The following BBIP1 variants were observed in gnomAD, a reference collection of about 807,000 sequenced individuals.
The protein encoded by BBIP1 is BBSome-interacting protein 1.
Under a neutral mutation model 8.9 loss-of-function variants are expected in BBIP1, and 6 were observed. The observed-to-expected ratio is 0.67, with a 90% CI of 0.37 to 1.33. The LOEUF is 1.33. Among genes scored for constraint, BBIP1 ranks in the 40% most tolerant of loss-of-function variants. The pLI is 0.02. For missense variants in BBIP1, 111 were observed against 109.2 expected, an observed-to-expected ratio of 1.02 and a Z score of -0.07; for synonymous variants, 32 against 33.4, an observed-to-expected ratio of 0.96 and a Z score of 0.14.
At chr10:110,906,269 G>A (rs1204262660) in intron 2 of BBIP1, among the ~76,000 whole-genome samples, 1 of 152,204 alleles carries the variant, frequency 6.6e-6, no homozygotes, top group African/African-American at 2.4e-5. Context: ...GCCTCCCAAA[G>A]TGCTGGGATT....
At chr10:110,914,799 C>G (rs1846360605) in intron 2 of BBIP1, among the ~76,000 whole-genome samples, 1 of 152,174 alleles carries the variant, frequency 6.6e-6, no homozygotes, top group South Asian at 2.1e-4. Context: ...TTGGATGATG[C>G]CACTGGCTCT....
intron 2 of BBIP1, chr10:110,907,754 T>C (rs1846181657): frequency 1.4e-6 from 1 of 702,506 alleles, no homozygotes; most frequent in Non-Finnish European, 2.6e-6. Context: ...TAAAGGATGG[T>C]GATTGATACA....
intron 2 of BBIP1, among the ~76,000 whole-genome samples, chr10:110,915,308 T>C (rs1846376596): frequency 1.3e-5 from 2 of 152,106 alleles, no homozygotes; most frequent in South Asian, 4.2e-4. Context: ...AGGAACATGC[T>C]ACCCCACCCA....
intron 2 of BBIP1, among the ~76,000 whole-genome samples, chr10:110,905,556 C>T (rs987536107): frequency 1.3e-5 from 2 of 150,202 alleles, no homozygotes; most frequent in African/African-American, 4.9e-5. Flanking sequence ...ACCGAGACTC[C>T]GTCCTCCCCC....
intron 2 of BBIP1, chr10:110,912,292 T>C (rs1192533738): frequency 6.6e-6 from 1 of 152,152 alleles, no homozygotes; most frequent in Non-Finnish European, 1.5e-5. Context: ...GCATTAAATA[T>C]TATTTAAACA....
intron 2 of BBIP1, chr10:110,912,059 A>G (rs1333040486): frequency 6.6e-6 from 1 of 152,190 alleles, no homozygotes; most frequent in South Asian, 2.1e-4. Context: ...TAAGCGCAGC[A>G]TATTGACTAA....
intron 2 of BBIP1, chr10:110,902,568 C>T (rs1846029825): frequency 6.6e-6 from 1 of 152,238 alleles, no homozygotes; most frequent in Non-Finnish European, 1.5e-5. Context: ...TAATTATAAT[C>T]AAGTGAAGCT....
At chr10:110,904,840 G>A (rs1286563898) in intron 2 of BBIP1, 1 of 152,166 alleles carries the variant, frequency 6.6e-6, no homozygotes, top group Non-Finnish European at 1.5e-5. Context: ...ATTAAAAAAT[G>A]ATGCAGATTG....
At chr10:110,905,264 A>T (rs1254731950) in intron 2 of BBIP1, among the ~76,000 whole-genome samples, 1 of 152,132 alleles carries the variant, frequency 6.6e-6, no homozygotes, top group Non-Finnish European at 1.5e-5. Flanking sequence ...TTGGCAAGTT[A>T]AAAATCCCTG....
intron 2 of BBIP1, among the ~76,000 whole-genome samples, chr10:110,913,586 G>C: frequency 6.6e-6 from 1 of 152,294 alleles, no homozygotes; most frequent in African/African-American, 2.4e-5. Context: ...GAGAAAATGT[G>C]AACAAACTTT....
At chr10:110,906,803 GC>G (rs1367709581) in intron 2 of BBIP1, 1 of 152,184 alleles carries the variant, frequency 6.6e-6, no homozygotes, top group African/African-American at 2.4e-5. Context: ...CAAGTGATCC[GC>G]CCCCGTTGGC....
At chr10:110,914,941 T>C (rs1255598308) in intron 2 of BBIP1, among the ~76,000 whole-genome samples, 2 of 152,214 alleles carry the variant, frequency 1.3e-5, no homozygotes, top group Admixed American at 6.5e-5. Context: ...ATGTTAGCTA[T>C]TAACCTTTTA....
In BBIP1 at chr10:110,900,388, T is replaced by C. The variant is rs1463142359; in HGVS notation, c.251A>G (p.Glu84Gly). The C allele has an allele frequency of 1.2e-5, 19 of 1,535,272 alleles. No individual in the cohort carries two copies. The highest frequency in any genetic ancestry group is 1.8e-4 in the Middle Eastern group (1 of 5,502). ...QNTIRQQEMA[E>G]KDQRQITH ...GTGGGTTATTTGCCGTTGATCCTTTTCTGCCATTTCTTGTTGGCGAATTGT... is the reference window on the plus strand; with the variant it reads ...GTGGGTTATTTGCCGTTGATCCTTTCCTGCCATTTCTTGTTGGCGAATTGT... The change falls in exon 4 of 4, where the codon GAA (glutamate) becomes GGA (glycine). Residue 84 changes from glutamate to glycine, a missense_variant. Transcript: ENST00000448814.
intron 1 of BBIP1, among the ~76,000 whole-genome samples, chr10:110,918,685 C>A (rs920323798): frequency 6.6e-6 from 1 of 152,210 alleles, no homozygotes; most frequent in Non-Finnish European, 1.5e-5. Flanking sequence ...GGCCTCACCC[C>A]ACAGGGAGCC....
At position 110,915,826 on chromosome 10, in the gene BBIP1, CTT is replaced by C. The variant is rs1410764530; in HGVS notation, c.37+2293_37+2294del. Among the ~76,000 whole-genome samples, 22 of 152,288 alleles carry C rather than the reference CTT, an allele frequency of 1.4e-4. 1 individual carries two copies. The highest frequency in any genetic ancestry group is 3.4e-3 in the Middle Eastern group (1 of 294). ...TCAAGTGATTCTGGTGCCTCAGCCT[CTT>C]GAGTAGCTGGGACTACAGGTGTGCA... On this transcript the variant is annotated intron_variant, in intron 2 of 3. Coordinates refer to ENST00000448814, the MANE Select transcript of BBIP1 (RefSeq NM_001195305.3).
chr10:110,917,993 A>G, intron 2 of BBIP1, 128 bp downstream of exon 2: 1 of 770,964 alleles, frequency 1.3e-6, no homozygotes, highest in Non-Finnish European at 2.1e-6. Flanking sequence ...TCAGTAATTA[A>G]CAGCAAAGAA....
chr10:110,902,609 ACTT>A (rs1846031026), intron 2 of BBIP1: 1 of 152,160 alleles, frequency 6.6e-6, no homozygotes, highest in South Asian at 2.1e-4. Context: ...CCGCTCCACT[ACTT>A]TGACATTCCT....
At chr10:110,909,940 G>C (rs551262991) in intron 2 of BBIP1, among the ~76,000 whole-genome samples, 1 of 152,334 alleles carries the variant, frequency 6.6e-6, no homozygotes, top group Admixed American at 6.5e-5. Context: ...GTAGCTAAGT[G>C]AGAGAGACAG....
intron 2 of BBIP1, chr10:110,901,977 G>C (rs1427158736): frequency 6.0e-6 from 1 of 167,074 alleles, no homozygotes; most frequent in Non-Finnish European, 1.3e-5. Flanking sequence ...CTGAATGGTG[G>C]GTGACAAAAA....
Sources: gnomAD v4.1 joint callset for allele counts (sites outside exome capture counted in the v4.1 genomes callset) on GRCh38, gnomAD v4.1.1 for gene constraint, MANE v1.5 for transcripts, NCBI Gene and HGNC (gene_info 2026-07-23, HGNC 2026-07-21) for gene names.